NECAB1: variants seen among roughly 807,000 people sequenced by gnomAD.
The protein encoded by NECAB1 is N-terminal EF-hand calcium-binding protein 1.
In NECAB1, 29 loss-of-function variants were observed where a neutral mutation model predicts 57.5. The observed-to-expected ratio is 0.50, with a 90% CI of 0.38 to 0.69. The LOEUF (loss-of-function observed/expected upper bound fraction) is 0.69, where lower values mean the gene tolerates loss of function less well. Ranked by LOEUF, NECAB1 falls within the 30% of genes least tolerant of loss-of-function variation. The pLI is 0.00. For missense variants in NECAB1, 372 were observed against 413.8 expected (o/e 0.90, Z 0.88); for synonymous variants, 142 against 147.7 (o/e 0.96, Z 0.28).
In NECAB1 at chr8:90,958,469, C is replaced by T. The variant is rs989102247; in HGVS notation, c.*2957C>T. On this transcript the variant is annotated 3_prime_UTR_variant, in exon 13 of 13. Coordinates refer to ENST00000417640, the MANE Select transcript of NECAB1 (RefSeq NM_022351.5). Reference sequence around the variant, plus strand: ...AATCATATATCTGAAAAGAAATACCCATTAAAAATTCTGCCTCCTGTTTAT... The same window carrying T: ...AATCATATATCTGAAAAGAAATACCTATTAAAAATTCTGCCTCCTGTTTAT... 6.6e-6 allele frequency: 1 copy of T among 151,478 alleles called. No individual in the cohort carries two copies. The highest frequency in any genetic ancestry group is 2.4e-5 in the African/African-American group (1 of 41,336). The allele number at this position is 151,478 out of a possible 1,614,324, so 9.4% of individuals were successfully genotyped here.
chr8:90,828,932 A>C (rs1586044343), intron 3 of NECAB1, among the ~76,000 whole-genome samples: 1 of 152,048 alleles, frequency 6.6e-6, no homozygotes, highest in Admixed American at 6.6e-5. Flanking sequence ...AACCTGAAGG[A>C]TATCATGTCC....
intron 3 of NECAB1, among the ~76,000 whole-genome samples, chr8:90,858,372 G>A (rs982228214): frequency 3.3e-5 from 5 of 152,146 alleles, no homozygotes; most frequent in African/African-American, 9.7e-5. Flanking sequence ...AAAACATTAA[G>A]TGTAAAACTC....
intron 3 of NECAB1, among the ~76,000 whole-genome samples, chr8:90,829,726 C>T (rs1164195353): frequency 2.6e-5 from 4 of 152,064 alleles, no homozygotes; most frequent in Non-Finnish European, 4.4e-5. Context: ...ACAAAAATAT[C>T]ACCACCTACT....
chr8:90,908,189 G>A (rs967171232), intron 5 of NECAB1, among the ~76,000 whole-genome samples: 4 of 152,128 alleles, frequency 2.6e-5, no homozygotes, highest in Admixed American at 2.6e-4. Flanking sequence ...ACAAATGAGT[G>A]TTATCCTTTG....
chr8:90,835,029 T>C (rs1345596446), intron 3 of NECAB1, among the ~76,000 whole-genome samples: 1 of 152,016 alleles, frequency 6.6e-6, no homozygotes, highest in African/African-American at 2.4e-5. Context: ...ACTTTCTTTA[T>C]TAGTTTAAAA....
intron 3 of NECAB1, among the ~76,000 whole-genome samples, chr8:90,825,926 T>C (rs1456436987): frequency 6.6e-6 from 1 of 151,832 alleles, no homozygotes; most frequent in African/African-American, 2.4e-5. Flanking sequence ...CTTATGGTTT[T>C]ATGGAGAAAT....
intron 2 of NECAB1, among the ~76,000 whole-genome samples, chr8:90,810,771 C>T (rs1811945608): frequency 6.6e-6 from 1 of 152,006 alleles, no homozygotes; most frequent in South Asian, 2.1e-4. Flanking sequence ...AGGGAACTCA[C>T]CTTTGATTTT....
chr8:90,893,571 G>C (rs1463801385), intron 5 of NECAB1, among the ~76,000 whole-genome samples: 4 of 152,160 alleles, frequency 2.6e-5, no homozygotes, highest in Non-Finnish European at 5.9e-5. Context: ...AACGTGAAAA[G>C]GGAGCAGATT....
At chr8:90,881,632 C>T (rs567923130) in intron 5 of NECAB1, among the ~76,000 whole-genome samples, 2 of 152,312 alleles carry the variant, frequency 1.3e-5, no homozygotes, top group Admixed American at 6.5e-5. Flanking sequence ...TCTCCTTTGC[C>T]TTCCACCATG....
intron 5 of NECAB1, among the ~76,000 whole-genome samples, chr8:90,895,902 G>A (rs894817104): frequency 6.6e-6 from 1 of 152,190 alleles, no homozygotes; most frequent in African/African-American, 2.4e-5. Context: ...GTTTTCTCAT[G>A]TAAATCAGAG....
chr8:90,848,535 A>G (rs1812612726), intron 3 of NECAB1, among the ~76,000 whole-genome samples: 1 of 152,162 alleles, frequency 6.6e-6, no homozygotes, highest in Non-Finnish European at 1.5e-5. Flanking sequence ...AATACCCAAG[A>G]CTGGGTAATT....
At chr8:90,947,782 G>C (rs1225394828) in intron 10 of NECAB1, among the ~76,000 whole-genome samples, 1 of 152,212 alleles carries the variant, frequency 6.6e-6, no homozygotes, top group Non-Finnish European at 1.5e-5. Context: ...TTGGAATCAA[G>C]GTGGCACAGC....
intron 1 of NECAB1, among the ~76,000 whole-genome samples, 191 bp from the exon 2 acceptor site, chr8:90,801,500 G>C (rs556312640): frequency 6.6e-6 from 1 of 151,960 alleles, no homozygotes; most frequent in Non-Finnish European, 1.5e-5. Context: ...GTTCATTCAC[G>C]GTTTGTTTAT....
chr8:90,893,716 T>C (rs1809248067), intron 5 of NECAB1, among the ~76,000 whole-genome samples: 2 of 152,162 alleles, frequency 1.3e-5, no homozygotes, highest in Non-Finnish European at 2.9e-5. Flanking sequence ...ATTCCAGCAG[T>C]GCAGGAGGCA....
At chr8:90,862,949 T>G (rs527808468) in intron 3 of NECAB1, among the ~76,000 whole-genome samples, 1 of 152,204 alleles carries the variant, frequency 6.6e-6, no homozygotes, top group South Asian at 2.1e-4. Flanking sequence ...ATAATTAACA[T>G]TTTACATTTT....
intron 3 of NECAB1, among the ~76,000 whole-genome samples, chr8:90,867,000 C>T (rs1283421326): frequency 6.6e-6 from 1 of 152,122 alleles, no homozygotes; most frequent in Non-Finnish European, 1.5e-5. Context: ...TTGGAACCAA[C>T]CCAAATGCCC....
chr8:90,927,798 C>T (rs1264487940), intron 7 of NECAB1, among the ~76,000 whole-genome samples: 1 of 148,254 alleles, frequency 6.7e-6, no homozygotes, highest in Non-Finnish European at 1.5e-5. Flanking sequence ...ACTATCTTGC[C>T]CTTATGGTTT....
At chr8:90,889,939 A>G (rs1809114906) in intron 5 of NECAB1, among the ~76,000 whole-genome samples, 1 of 143,164 alleles carries the variant, frequency 7.0e-6, no homozygotes, top group African/African-American at 2.8e-5. Context: ...ATAGTGGTCA[A>G]CTTTTAACTG....
At chr8:90,862,972 ATTGC>A (rs1808433201) in intron 3 of NECAB1, among the ~76,000 whole-genome samples, 1 of 152,080 alleles carries the variant, frequency 6.6e-6, no homozygotes, top group South Asian at 2.1e-4. Flanking sequence ...AACTTTATAT[ATTGC>A]TTAATTTTTG....
Sources: allele counts gnomAD v4.1 joint callset (sites outside exome capture counted in the v4.1 genomes callset), GRCh38; gene constraint gnomAD v4.1.1; transcripts MANE v1.5; gene names NCBI Gene and HGNC (gene_info 2026-07-23, HGNC 2026-07-21).